Variants in SOX5 observed in about 807,000 individuals in gnomAD.
SOX5 encodes transcription factor SOX-5.
SOX5 carries 9 observed loss-of-function variants against 92.0 expected under a neutral mutation model. That is an observed-to-expected ratio of 0.10 (90% confidence interval 0.06 to 0.17). SOX5 has a LOEUF of 0.17. Among genes scored for constraint, SOX5 ranks in the 10% least tolerant of loss-of-function variants. The pLI, the probability that SOX5 is intolerant of heterozygous loss-of-function variation, is 1.00. For missense variants in SOX5, 642 were observed against 944.5 expected (o/e 0.68, Z 4.20); for synonymous variants, 344 against 336.3 (o/e 1.02, Z -0.25).
intron 9 of SOX5, among the ~76,000 whole-genome samples, chr12:23,601,439 G>A (rs1202393734): frequency 2.6e-5 from 4 of 152,098 alleles, no homozygotes; most frequent in Non-Finnish European, 5.9e-5. Flanking sequence ...AACAGCAAAT[G>A]TACTTTTAAC....
chr12:24,509,266 G>C (rs1239791515), intron 1 of SOX5, among the ~76,000 whole-genome samples: 2 of 152,180 alleles, frequency 1.3e-5, no homozygotes, highest in African/African-American at 4.8e-5. Context: ...TCCGAAGATA[G>C]TAAGAGCCAA....
chr12:23,898,292 G>C (rs1169835172), intron 1 of SOX5, among the ~76,000 whole-genome samples: 2 of 152,076 alleles, frequency 1.3e-5, no homozygotes, highest in African/African-American at 2.4e-5. Context: ...TAGCATTTGT[G>C]GTCTGAGTGG....
chr12:23,714,854 AATTT>A (rs1236794792), intron 6 of SOX5, among the ~76,000 whole-genome samples: 1 of 152,168 alleles, frequency 6.6e-6, no homozygotes, highest in African/African-American at 2.4e-5. Flanking sequence ...TACTTTGTAA[AATTT>A]ATTTATAAAG....
chr12:24,034,727 T>C (rs1335709652), intron 4 of SOX5, among the ~76,000 whole-genome samples: 1 of 152,058 alleles, frequency 6.6e-6, no homozygotes, highest in Admixed American at 6.6e-5. Flanking sequence ...TCCCCCTTCA[T>C]GGCCTACGTA....
At chr12:24,312,983 C>T (rs1465526108) in intron 2 of SOX5, among the ~76,000 whole-genome samples, 5 of 152,154 alleles carry the variant, frequency 3.3e-5, no homozygotes, top group Non-Finnish European at 7.4e-5. Flanking sequence ...CTATTTTTGT[C>T]AGCCCCGGTT....
chr12:24,390,573 A>G (rs1958894580), intron 1 of SOX5, among the ~76,000 whole-genome samples: 1 of 152,006 alleles, frequency 6.6e-6, no homozygotes, highest in South Asian at 2.1e-4. Flanking sequence ...ATCATTCCTT[A>G]CCCCGCACCC....
chr12:23,717,060 T>C (rs2092546409), intron 6 of SOX5, among the ~76,000 whole-genome samples: 2 of 152,192 alleles, frequency 1.3e-5, no homozygotes, highest in South Asian at 2.1e-4. Context: ...CCTTCAAGAT[T>C]TGAGGTAGCT....
chr12:23,836,719 C>A (rs1397688813), intron 3 of SOX5, among the ~76,000 whole-genome samples: 1 of 151,784 alleles, frequency 6.6e-6, no homozygotes, highest in Non-Finnish European at 1.5e-5. Flanking sequence ...AATATGGCAC[C>A]CTCATAATGA....
chr12:23,966,845 G>T (rs1241196695), intron 4 of SOX5, among the ~76,000 whole-genome samples: 1 of 152,120 alleles, frequency 6.6e-6, no homozygotes, highest in African/African-American at 2.4e-5. Context: ...AGCCAATAGT[G>T]TTGTTTATAA....
chr12:23,858,607 T>C (rs886857084), intron 2 of SOX5, among the ~76,000 whole-genome samples: 1 of 152,102 alleles, frequency 6.6e-6, no homozygotes, highest in Non-Finnish European at 1.5e-5. Context: ...GGAGTGTAAA[T>C]TAGTTCAACC....
intron 3 of SOX5, among the ~76,000 whole-genome samples, chr12:23,837,009 T>G (rs764515364): frequency 6.6e-6 from 1 of 151,020 alleles, no homozygotes; most frequent in Non-Finnish European, 1.5e-5. Flanking sequence ...TCTGATACTA[T>G]GTTGCATCAC....
chr12:23,895,895 C>T lies in SOX5; in HGVS notation c.168G>A (p.Val56=). The change falls in exon 2 of 15, where the codon GTG becomes GTA. Residue 56 remains valine (V), a synonymous_variant. Transcript: ENST00000451604. ...GLPAFHLPLH[V]SFPNKPHSEE... ...CAGAGTGAGGCTTGTTGGGAAAACT[C>T]ACATGCAAGGGAAGGTGAAAGGCTG... 1 of 1,614,110 alleles carries T rather than the reference C, an allele frequency of 6.2e-7. No individual in the cohort carries two copies. Among genetic ancestry groups the T allele is most frequent in the Non-Finnish European group, 8.5e-7 (1 of 1,179,990 alleles).
intron 2 of SOX5, among the ~76,000 whole-genome samples, chr12:24,319,796 G>T (rs188380604): frequency 5.7e-4 from 87 of 152,240 alleles, no homozygotes; most frequent in African/African-American, 2.0e-3. Flanking sequence ...CCATCATCTT[G>T]CACTATCAAA....
Position 23,591,332 on chromosome 12 carries a change from G to A in SOX5, c.1164+13055C>T, listed in dbSNP as rs550674877. Among the ~76,000 whole-genome samples the A allele has an allele frequency of 1.5e-3, 224 of 152,088 alleles. 2 individuals are homozygous for A. The highest frequency in any genetic ancestry group is 2.3e-3 in the Non-Finnish European group (158 of 67,928). On this transcript the variant is annotated intron_variant, in intron 9 of 14. Transcript: ENST00000451604. ...TTATTATAATGCAAACATTAATCAG[G>A]TGTACATTTGTTAAGAGCCTATTAG...
chr12:23,713,256 A>G (rs1458961155), intron 6 of SOX5, among the ~76,000 whole-genome samples: 2 of 152,218 alleles, frequency 1.3e-5, no homozygotes, highest in South Asian at 2.1e-4. Context: ...GAGGCATGCT[A>G]CAGATGCTTC....
At chr12:24,553,865 T>A (rs1030861548) in intron 1 of SOX5, among the ~76,000 whole-genome samples, 5 of 152,244 alleles carry the variant, frequency 3.3e-5, no homozygotes, top group African/African-American at 1.2e-4. Context: ...GATAGATCTC[T>A]ATCTGTTTGT....
chr12:23,886,160 T>C (rs769015604), intron 2 of SOX5, among the ~76,000 whole-genome samples: 3 of 152,194 alleles, frequency 2.0e-5, no homozygotes, highest in South Asian at 2.1e-4. Context: ...TGAATTGTTT[T>C]AATATTTCTA....
At chr12:23,961,649 A>T (rs1158576704) in intron 4 of SOX5, among the ~76,000 whole-genome samples, 1 of 152,210 alleles carries the variant, frequency 6.6e-6, no homozygotes, top group Non-Finnish European at 1.5e-5. Context: ...TGTAACACCC[A>T]GTAGAACATA....
chr12:23,665,580 G>C lies in SOX5; in HGVS notation c.811-16C>G, dbSNP rs199751340. The stretch of plus-strand genomic sequence containing the variant: ...GACCTTGAACCTGCTGAACGTGATA[G>C]AGCGAATCAAAGAGAAGAAGTTTCG... On this transcript the variant is annotated splice_polypyrimidine_tract_variant and intron_variant, in intron 6 of 14. Coordinates refer to ENST00000451604, the MANE Select transcript of SOX5 (RefSeq NM_006940.6). The C allele has an allele frequency of 8.8e-6, 14 of 1,595,092 alleles. No homozygotes were observed. The South Asian group carries it at 1.0e-4, about 12-fold the overall frequency.
Sources: allele counts gnomAD v4.1 joint callset (sites outside exome capture counted in the v4.1 genomes callset), GRCh38; gene constraint gnomAD v4.1.1; transcripts MANE v1.5; gene names NCBI Gene and HGNC (gene_info 2026-07-23, HGNC 2026-07-21).